Variants in ZNF385D observed in about 807,000 individuals in gnomAD.
ZNF385D encodes zinc finger protein 385D, also known as zinc finger protein 659.
In ZNF385D, 15 loss-of-function variants were observed where a neutral mutation model predicts 35.8. The observed-to-expected ratio is 0.42, with a 90% confidence interval of 0.28 to 0.64. The LOEUF (loss-of-function observed/expected upper bound fraction) is 0.64. Ranked by LOEUF, ZNF385D falls within the 30% of genes least tolerant of loss-of-function variation. The pLI is 0.23. For synonymous variants in ZNF385D, 212 were observed against 186.8 expected, an observed-to-expected ratio of 1.13 and a Z score of -1.10; for missense variants, 474 against 494.6, an observed-to-expected ratio of 0.96 and a Z score of 0.39.
intron 2 of ZNF385D, among the ~76,000 whole-genome samples, chr3:22,315,217 G>A (rs1041349333): frequency 2.6e-5 from 4 of 152,200 alleles, no homozygotes; most frequent in African/African-American, 9.6e-5. Flanking sequence ...CATCTTAGTA[G>A]AGTGGATGGG....
chr3:21,813,307 C>T (rs1325507687), intron 3 of ZNF385D, among the ~76,000 whole-genome samples: 1 of 152,212 alleles, frequency 6.6e-6, no homozygotes, highest in Non-Finnish European at 1.5e-5. Context: ...TAAAGGAACA[C>T]AGCTCCTCGC....
intron 3 of ZNF385D, among the ~76,000 whole-genome samples, chr3:21,801,312 G>C (rs970981250): frequency 6.6e-6 from 1 of 152,088 alleles, no homozygotes; most frequent in Non-Finnish European, 1.5e-5. Context: ...ATCTGGTTTT[G>C]ATATCAGGGT....
chr3:22,372,574 G>C, exon 2 of ZNF385D: 1 of 981,810 alleles, frequency 1.0e-6, no homozygotes, highest in African/African-American at 1.7e-5. Flanking sequence ...AGCAGCCGCC[G>C]GGGCTGGCTG....
At chr3:22,361,786 C>T (rs371267119) in intron 2 of ZNF385D, among the ~76,000 whole-genome samples, 5 of 151,854 alleles carry the variant, frequency 3.3e-5, no homozygotes, top group African/African-American at 4.8e-5. Context: ...TACTTGATCT[C>T]GGAAATCACT....
At chr3:21,612,215 G>T (rs2064703375) in intron 2 of ZNF385D, among the ~76,000 whole-genome samples, 1 of 152,060 alleles carries the variant, frequency 6.6e-6, no homozygotes. Flanking sequence ...CTCCCAAGTA[G>T]CTGGGATGAC....
intron 3 of ZNF385D, among the ~76,000 whole-genome samples, chr3:21,766,220 C>T (rs1217388291): frequency 6.6e-6 from 1 of 152,072 alleles, no homozygotes; most frequent in Non-Finnish European, 1.5e-5. Flanking sequence ...TAATGTCTAT[C>T]CTCCACTGAT....
At chr3:21,997,801 A>C (rs559037130) in intron 3 of ZNF385D, among the ~76,000 whole-genome samples, 1 of 152,018 alleles carries the variant, frequency 6.6e-6, no homozygotes, top group African/African-American at 2.4e-5. Context: ...TTCTTAACTC[A>C]AAGTCTCTGG....
chr3:21,927,173 C>A (rs1700769909), intron 3 of ZNF385D, among the ~76,000 whole-genome samples: 1 of 152,104 alleles, frequency 6.6e-6, no homozygotes, highest in Admixed American at 6.6e-5. Context: ...TTTCCTTTCT[C>A]CTTTAGCCAT....
chr3:22,247,947 T>G (rs572895421), intron 2 of ZNF385D, among the ~76,000 whole-genome samples: 1 of 152,112 alleles, frequency 6.6e-6, no homozygotes, highest in African/African-American at 2.4e-5. Context: ...TTCCATGGAT[T>G]CAAGAGCATT....
intron 2 of ZNF385D, among the ~76,000 whole-genome samples, chr3:22,289,500 C>G (rs188976482): frequency 1.3e-5 from 2 of 152,270 alleles, no homozygotes; most frequent in East Asian, 1.9e-4. Flanking sequence ...TTCCCAAATT[C>G]AGGCTAGATA....
chr3:21,919,162 G>A (rs897657255), intron 3 of ZNF385D, among the ~76,000 whole-genome samples: 1 of 152,182 alleles, frequency 6.6e-6, no homozygotes, highest in South Asian at 2.1e-4. Context: ...GAAGGACAAT[G>A]TTAATATTCA....
At chr3:21,986,104 C>T (rs1429466951) in intron 3 of ZNF385D, among the ~76,000 whole-genome samples, 2 of 94,108 alleles carry the variant, frequency 2.1e-5, no homozygotes, top group Admixed American at 9.6e-5. Context: ...TTTGTTGATC[C>T]TTTCAAAAAA....
intron 4 of ZNF385D, among the ~76,000 whole-genome samples, chr3:21,484,267 C>T (rs749546570): frequency 2.6e-5 from 4 of 152,132 alleles, no homozygotes; most frequent in Admixed American, 1.3e-4. Context: ...AACTTGCTAA[C>T]CCTCTAGGGT....
intron 2 of ZNF385D, among the ~76,000 whole-genome samples, chr3:21,663,915 A>ATATATATATATTTATTTATT (rs1159950305): frequency 1.9e-5 from 2 of 105,888 alleles, no homozygotes; most frequent in African/African-American, 3.8e-5. Flanking sequence ...ATATATATAT[A>ATATATATATATTTATTTATT]TATTTATTTA....
intron 2 of ZNF385D, among the ~76,000 whole-genome samples, chr3:22,355,549 A>C (rs979905773): frequency 1.3e-5 from 2 of 151,980 alleles, no homozygotes; most frequent in Non-Finnish European, 2.9e-5. Flanking sequence ...TAAGACAAAG[A>C]AGTCAATCAG....
chr3:21,939,478 CA>C (rs141487788), intron 3 of ZNF385D, among the ~76,000 whole-genome samples: 3 of 151,320 alleles, frequency 2.0e-5, no homozygotes, highest in Admixed American at 6.6e-5. Flanking sequence ...CACTTGTTCA[CA>C]AAAAAAACCA....
chr3:22,256,754 T>C (rs1405649522), intron 2 of ZNF385D, among the ~76,000 whole-genome samples: 28 of 151,914 alleles, frequency 1.8e-4, no homozygotes, highest in Admixed American at 1.6e-3. Flanking sequence ...TCTACTAATA[T>C]ATTAATGACT....
At chr3:21,905,205 CAAAA>C (rs63147760) in intron 3 of ZNF385D, among the ~76,000 whole-genome samples, 114 of 69,732 alleles carry the variant, frequency 1.6e-3, no homozygotes, top group African/African-American at 4.6e-3. Flanking sequence ...ACAAAAAATC[CAAAA>C]AAAAAAAAAA....
intron 2 of ZNF385D, among the ~76,000 whole-genome samples, chr3:22,226,826 C>A (rs561637277): frequency 6.6e-6 from 1 of 152,172 alleles, no homozygotes; most frequent in Non-Finnish European, 1.5e-5. Context: ...CATTAGTTAG[C>A]AGGTAGGTTG....
Sources: gnomAD v4.1 joint callset for allele counts (sites outside exome capture counted in the v4.1 genomes callset) on GRCh38, gnomAD v4.1.1 for gene constraint, MANE v1.5 for transcripts, NCBI Gene and HGNC (gene_info 2026-07-23, HGNC 2026-07-21) for gene names.